Variants in TSHZ3 observed in about 807,000 individuals in gnomAD.
TSHZ3 encodes teashirt zinc finger homeobox 3, also known as teashirt homolog 3.
A neutral mutation model predicts 64.5 loss-of-function variants in TSHZ3; 10 were observed. That is an observed-to-expected ratio of 0.16 (90% CI 0.10 to 0.26). The LOEUF is 0.26. Ranked by LOEUF, TSHZ3 falls within the 10% of genes least tolerant of loss-of-function variation. TSHZ3 has a pLI of 1.00. For missense variants in TSHZ3, 1,242 were observed against 1,421.7 expected, an observed-to-expected ratio of 0.87 and a Z score of 2.03; for synonymous variants, 608 against 593.1, an observed-to-expected ratio of 1.03 and a Z score of -0.36.
chr19:31,338,969 T>C (rs1324713043), intron 1 of TSHZ3, among the ~76,000 whole-genome samples: 5 of 152,054 alleles, frequency 3.3e-5, no homozygotes, highest in Admixed American at 1.3e-4. Flanking sequence ...CTGCCCCAGC[T>C]TGTCCGACTC....
chr19:31,304,745 A>G (rs1232093735), intron 1 of TSHZ3, among the ~76,000 whole-genome samples: 1 of 152,200 alleles, frequency 6.6e-6, no homozygotes, highest in Admixed American at 6.5e-5. Context: ...AACTGTTTCT[A>G]AGGTAGTTTG....
At chr19:31,346,998 G>T (rs966273457) in intron 1 of TSHZ3, among the ~76,000 whole-genome samples, 27 of 152,064 alleles carry the variant, frequency 1.8e-4, no homozygotes, top group Admixed American at 1.6e-3. Flanking sequence ...GCCAGCTTCT[G>T]ATTGACCATT....
chr19:31,313,431 C>A lies in TSHZ3; in HGVS notation c.41-33679G>T, dbSNP rs548404422. ...GACCGGGAGCTGGAAGCCAAGTGTG[C>A]ACCGCTGGAGGGCAGCGAGGAGTCT... On this transcript the variant is annotated intron_variant, in intron 1 of 1. Coordinates refer to ENST00000240587, the MANE Select transcript of TSHZ3 (RefSeq NM_020856.4). Among the ~76,000 whole-genome samples, 3 of 152,346 alleles carry A rather than the reference C, an allele frequency of 2.0e-5. No homozygotes were observed. In the East Asian group the frequency reaches 5.8e-4, roughly 29 times the overall value.
chr19:31,203,207 C>A (rs1336250016), intron 5 of TSHZ3, among the ~76,000 whole-genome samples: 3 of 152,008 alleles, frequency 2.0e-5, no homozygotes, highest in Non-Finnish European at 4.4e-5. Flanking sequence ...AGGGCATTCC[C>A]AGAAGAGGAA....
intron 1 of TSHZ3, among the ~76,000 whole-genome samples, chr19:31,249,644 T>A (rs1975808656): frequency 6.6e-6 from 1 of 152,204 alleles, no homozygotes; most frequent in Admixed American, 6.5e-5. Context: ...AGGTTCAGTT[T>A]TGACAAAACC....
chr19:31,205,786 C>A (rs751777182), intron 4 of TSHZ3, among the ~76,000 whole-genome samples: 2 of 152,222 alleles, frequency 1.3e-5, no homozygotes, highest in African/African-American at 2.4e-5. Context: ...CTCTTTGGAA[C>A]TTAGCTGATA....
At chr19:31,222,078 C>G (rs1381814129) in intron 4 of TSHZ3, among the ~76,000 whole-genome samples, 1 of 152,160 alleles carries the variant, frequency 6.6e-6, no homozygotes, top group East Asian at 1.9e-4. Flanking sequence ...CTATTTTAAG[C>G]CAGGGTCTTT....
chr19:31,340,338 C>CAAAAAAAAAA (rs1160334453), intron 1 of TSHZ3, among the ~76,000 whole-genome samples: 426 of 32,750 alleles, frequency 0.013, 95 homozygotes, highest in East Asian at 0.052. Flanking sequence ...GCCTACAGTA[C>CAAAAAAAAAA]AAAAAAAAAA....
intron 6 of TSHZ3, among the ~76,000 whole-genome samples, chr19:31,152,920 G>GCAAGTATT (rs1974260096): frequency 6.6e-6 from 1 of 152,170 alleles, no homozygotes; most frequent in Non-Finnish European, 1.5e-5. Context: ...ACCACACAGT[G>GCAAGTATT]CAAGTATTCA....
At chr19:31,167,544 TG>T (rs1233600202) in intron 5 of TSHZ3, 1 of 152,000 alleles carries the variant, frequency 6.6e-6, no homozygotes, top group African/African-American at 2.4e-5. Flanking sequence ...GGTTTTCAAC[TG>T]CATCTCTAAA....
intron 1 of TSHZ3, among the ~76,000 whole-genome samples, chr19:31,299,761 T>C (rs1021813751): frequency 1.3e-5 from 2 of 152,134 alleles, no homozygotes; most frequent in Non-Finnish European, 2.9e-5. Context: ...GAAAAATTAC[T>C]TCGGGGGTCT....
intron 5 of TSHZ3, among the ~76,000 whole-genome samples, chr19:31,199,400 C>CAAAAA (rs61428496): frequency 2.5e-3 from 246 of 98,132 alleles, no homozygotes; most frequent in Middle Eastern, 6.3e-3. Context: ...GAGACTCCGC[C>CAAAAA]AAAAAAAAAA....
At chr19:31,292,684 T>C (rs73035736) in intron 1 of TSHZ3, among the ~76,000 whole-genome samples, 26,599 of 148,014 alleles carry the variant, frequency 0.18, 3,028 homozygotes, top group East Asian at 0.46. Context: ...TTGAAAGACT[T>C]ATTCATCTAT....
intron 6 of TSHZ3, among the ~76,000 whole-genome samples, chr19:31,152,610 C>G (rs1974256733): frequency 6.6e-6 from 1 of 152,078 alleles, no homozygotes; most frequent in African/African-American, 2.4e-5. Context: ...CTCTAGGGCC[C>G]TGGGAAGAGC....
chr19:31,309,913 C>T (rs1475034641), intron 1 of TSHZ3, among the ~76,000 whole-genome samples: 1 of 152,118 alleles, frequency 6.6e-6, no homozygotes, highest in Non-Finnish European at 1.5e-5. Flanking sequence ...CCTCCACACT[C>T]CAACCCCCTT....
chr19:31,338,391 G>C (rs1806997376), intron 1 of TSHZ3, among the ~76,000 whole-genome samples: 1 of 152,162 alleles, frequency 6.6e-6, no homozygotes, highest in South Asian at 2.1e-4. Context: ...CAGACACAAA[G>C]GGGAAGAGGC....
intron 5 of TSHZ3, among the ~76,000 whole-genome samples, chr19:31,166,980 C>T (rs1481648928): frequency 1.3e-5 from 2 of 152,088 alleles, no homozygotes; most frequent in Admixed American, 1.3e-4. Context: ...ATCTTTAACA[C>T]AAAAAGGGGA....
Position 31,279,115 on chromosome 19 carries a change from C to T in TSHZ3, c.678G>A (p.Leu226=). Residue 226 remains leucine (L), a synonymous_variant, in exon 2 of 2, where the codon CTG becomes CTA. Transcript: ENST00000240587. The surrounding 1 kb of genome is among the most constrained non-coding windows in gnomAD (Gnocchi z 6.4). The part of the protein sequence containing the change: ...CKDCSAAYDT[L]VELTVHMNET... ...CGTTCATGTGCACCGTCAACTCCAC[C>T]AGGGTGTCGTAGGCAGCGCTGCAGT... 1 of 1,613,952 alleles carries T rather than the reference C, an allele frequency of 6.2e-7. No homozygotes were observed. Among genetic ancestry groups the T allele is most frequent in the Non-Finnish European group, 8.5e-7 (1 of 1,179,914 alleles).
chr19:31,252,519 G>A (rs779387036), intron 1 of TSHZ3, among the ~76,000 whole-genome samples: 2 of 152,196 alleles, frequency 1.3e-5, no homozygotes, highest in African/African-American at 2.4e-5. Context: ...CCAGGTGGGA[G>A]TAACTGGATC....
Sources: allele counts gnomAD v4.1 joint callset (sites outside exome capture counted in the v4.1 genomes callset), GRCh38; gene constraint gnomAD v4.1.1; non-coding constraint Gnocchi (gnomAD v3.1); transcripts MANE v1.5; gene names NCBI Gene and HGNC (gene_info 2026-07-23, HGNC 2026-07-21).